Variants in TRAPPC10 observed in about 807,000 individuals in gnomAD.
TRAPPC10 encodes TRAPP 130 kDa subunit.
In TRAPPC10, 23 loss-of-function variants were observed where a neutral mutation model predicts 125.5. That is an observed-to-expected ratio of 0.18 (90% CI 0.13 to 0.26). TRAPPC10 has a LOEUF of 0.26. Among genes scored for constraint, TRAPPC10 ranks in the 10% least tolerant of loss-of-function variants. The probability of loss-of-function intolerance (pLI) is 1.00; values close to 1 mark genes in which losing one functional copy is unlikely to be tolerated. For missense variants in TRAPPC10, 1,123 were observed against 1,308.4 expected (o/e 0.86, Z 2.19); for synonymous variants, 509 against 518.0 (o/e 0.98, Z 0.24).
intron 5 of TRAPPC10, among the ~76,000 whole-genome samples, chr21:44,056,680 G>T (rs545721177): frequency 7.2e-4 from 110 of 152,276 alleles, no homozygotes; most frequent in African/African-American, 2.4e-3. Flanking sequence ...TCTCTTCAAG[G>T]GTGCCACGGC....
At chr21:44,072,555 C>T (rs543872246) in intron 7 of TRAPPC10, among the ~76,000 whole-genome samples, 114 of 152,280 alleles carry the variant, frequency 7.5e-4, no homozygotes, top group African/African-American at 2.6e-3. Context: ...CCTCCGCCTC[C>T]CGGGTTCAAA....
intron 1 of TRAPPC10, among the ~76,000 whole-genome samples, chr21:44,018,426 C>T (rs927199548): frequency 6.6e-5 from 10 of 151,990 alleles, no homozygotes; most frequent in East Asian, 1.9e-4. Context: ...AAAGGCTGGG[C>T]GCAGTGACTC....
chr21:44,069,899 T>C (rs2036734104), intron 7 of TRAPPC10, among the ~76,000 whole-genome samples: 1 of 152,046 alleles, frequency 6.6e-6, no homozygotes, highest in African/African-American at 2.4e-5. Flanking sequence ...AGGCATACTT[T>C]TTTTTTTTTT....
Position 44,083,276 on chromosome 21 carries a change from G to T in TRAPPC10, c.2212G>T (p.Ala738Ser). 1.2e-6 allele frequency: 2 copies of T among 1,613,914 alleles called. No homozygotes were observed. The highest frequency in any genetic ancestry group is 1.7e-6 in the Non-Finnish European group (2 of 1,179,942). Reference sequence around the variant, plus strand: ...CAGCCACGTGACCCTGGAACCAGGGGCCAACCAGATAACATTCAGGACTCA... The same window carrying T: ...CAGCCACGTGACCCTGGAACCAGGGTCCAACCAGATAACATTCAGGACTCA... ...RCSHVTLEPG[A>S]NQITFRTQAK... The change falls in exon 14 of 23, where the codon GCC becomes TCC. Residue 738 changes from alanine to serine, a missense_variant. Transcript: ENST00000291574.
chr21:44,063,814 G>GT lies in TRAPPC10; in HGVS notation c.1038+32dup, dbSNP rs1455568987. 1 of 1,598,428 alleles carries GT rather than the reference G, an allele frequency of 6.3e-7. No individual in the cohort carries two copies. Among genetic ancestry groups the GT allele is most frequent in the East Asian group, 2.2e-5 (1 of 44,676 alleles). On this transcript the variant is annotated intron_variant, in intron 7 of 22. Coordinates refer to ENST00000291574, the MANE Select transcript of TRAPPC10 (RefSeq NM_003274.5). This position sits in a 1 kb window ranked among gnomAD's most constrained non-coding sequence, Gnocchi z 4.4. ...AGTCGGCTGTTTTCCCAATTTACCC[G>GT]TTTCTTGATTGTTCCAGCAGAAATC...
At chr21:44,028,612 G>T (rs547917232) in intron 1 of TRAPPC10, among the ~76,000 whole-genome samples, 2 of 152,350 alleles carry the variant, frequency 1.3e-5, no homozygotes, top group South Asian at 2.1e-4. Flanking sequence ...GACGCACAGG[G>T]ATGGGGGTGT....
rs781056994 is a variant in TRAPPC10 at position 44,091,940 on chromosome 21, G to T, written c.2888G>T (p.Cys963Phe). 2 of 1,613,914 alleles carry T rather than the reference G, an allele frequency of 1.2e-6. No homozygotes were observed. Among genetic ancestry groups the T allele is most frequent in the Admixed American group, 3.3e-5 (2 of 60,008 alleles). ...SSGTRKYVQV[C>F]VQNLSELDFQ... ...CACTTTAGGAAATATGTTCAAGTTTGTGTCCAGAATTTGTCAGAACTTGAC... is the reference window on the plus strand; with the variant it reads ...CACTTTAGGAAATATGTTCAAGTTTTTGTCCAGAATTTGTCAGAACTTGAC... Residue 963 changes from cysteine (C) to phenylalanine (F), a missense_variant, in exon 19 of 23, where the codon TGT becomes TTT. By Grantham distance (205) the Cys-to-Phe change is radical (BLOSUM62 -2). Coordinates refer to ENST00000291574, the MANE Select transcript of TRAPPC10 (RefSeq NM_003274.5).
intron 3 of TRAPPC10, among the ~76,000 whole-genome samples, chr21:44,038,315 C>G (rs947641375): frequency 1.3e-5 from 2 of 152,176 alleles, no homozygotes; most frequent in African/African-American, 4.8e-5. Flanking sequence ...CACTGTGCCC[C>G]ACGGCTGCCA....
At chr21:44,041,382 CTT>C (rs997550768) in intron 3 of TRAPPC10, among the ~76,000 whole-genome samples, 3 of 145,056 alleles carry the variant, frequency 2.1e-5, no homozygotes, top group Admixed American at 6.8e-5. Context: ...TCTTTCTTTA[CTT>C]TTTTTTTTTG....
intron 1 of TRAPPC10, among the ~76,000 whole-genome samples, chr21:44,014,641 C>G (rs2031608429): frequency 6.8e-6 from 1 of 147,502 alleles, no homozygotes; most frequent in African/African-American, 2.6e-5. Context: ...GTTGGTGAGG[C>G]TGGTCTCGAA....
At chr21:44,076,704 G>C in intron 10 of TRAPPC10, 76 bp downstream of exon 10, 1 of 1,308,786 alleles carries the variant, frequency 7.6e-7, no homozygotes, top group Non-Finnish European at 1.1e-6. Context: ...GGCCTGTTGA[G>C]TTGGGAAGGA....
intron 3 of TRAPPC10, 106 bp from the exon 4 acceptor site, chr21:44,052,174 T>C (rs141503001): frequency 4.0e-6 from 4 of 996,568 alleles, no homozygotes; most frequent in African/African-American, 1.6e-5. Context: ...CCTGTCCTGA[T>C]GCTTTAAAAC....
chr21:44,028,947 G>A (rs2238708), intron 1 of TRAPPC10, among the ~76,000 whole-genome samples: 1 of 152,086 alleles, frequency 6.6e-6, no homozygotes, highest in Non-Finnish European at 1.5e-5. Context: ...AGTTCAGCCC[G>A]CAGAGCTCTA....
At chr21:44,036,387 C>A (rs558085383) in intron 2 of TRAPPC10, among the ~76,000 whole-genome samples, 1 of 152,336 alleles carries the variant, frequency 6.6e-6, no homozygotes, top group Admixed American at 6.5e-5. Flanking sequence ...ACCCTGAGGG[C>A]CTTGCGTGAG....
chr21:44,063,436 G>A lies in TRAPPC10; in HGVS notation c.791-102G>A. 2 of 1,513,840 alleles carry A rather than the reference G, an allele frequency of 1.3e-6. No homozygotes were observed. The highest frequency in any genetic ancestry group is 1.8e-6 in the Non-Finnish European group (2 of 1,122,570). The allele number at this position is 1,513,840 out of a possible 1,614,324, so 93.8% of individuals were successfully genotyped here. On this transcript the variant is annotated intron_variant, in intron 6 of 22. Coordinates refer to ENST00000291574, the MANE Select transcript of TRAPPC10 (RefSeq NM_003274.5). This position sits in a 1 kb window ranked among gnomAD's most constrained non-coding sequence, Gnocchi z 4.4. ...TGGGCCAGTGTTCATAGAAAAACTG[G>A]TTATGAAGCTGCCTGTTTGCCCACC...
At chr21:44,068,423 C>T (rs191066518) in intron 7 of TRAPPC10, among the ~76,000 whole-genome samples, 3 of 152,200 alleles carry the variant, frequency 2.0e-5, no homozygotes, top group Admixed American at 2.0e-4. Context: ...AAGGGAAATT[C>T]TGAAGTTCTT....
intron 3 of TRAPPC10, among the ~76,000 whole-genome samples, chr21:44,038,709 T>C (rs755987624): frequency 3.3e-5 from 5 of 152,096 alleles, no homozygotes; most frequent in Non-Finnish European, 5.9e-5. Context: ...AGAAAGTACA[T>C]AGATTATTAC....
rs1160582001 is a variant in TRAPPC10 at position 44,055,686 on chromosome 21, A to G, written c.483-12A>G. ...AGGGTCTTTCCCAGATAGTCTGTTC[A>G]TGTCTTTGCAGGTGTGTTGTGCTCT... On this transcript the variant is annotated splice_polypyrimidine_tract_variant and intron_variant, in intron 4 of 22. Transcript: ENST00000291574. 2 of 1,587,386 alleles carry G rather than the reference A, an allele frequency of 1.3e-6. No individual in the cohort carries two copies. Among genetic ancestry groups the G allele is most frequent in the Admixed American group, 1.7e-5 (1 of 59,536 alleles).
intron 4 of TRAPPC10, 85 bp from the exon 5 acceptor site, chr21:44,055,613 T>TA: frequency 9.2e-7 from 1 of 1,082,566 alleles, no homozygotes. Context: ...AGGAAGAAAA[T>TA]TGCCGCTCAG....
Sources: allele counts gnomAD v4.1 joint callset (sites outside exome capture counted in the v4.1 genomes callset), GRCh38; gene constraint gnomAD v4.1.1; non-coding constraint Gnocchi (gnomAD v3.1); transcripts MANE v1.5; gene names NCBI Gene and HGNC (gene_info 2026-07-23, HGNC 2026-07-21).